ABCA13: variants seen among roughly 807,000 people sequenced by gnomAD.
ABCA13 encodes ATP binding cassette subfamily A member 13, also known as ATP-binding cassette sub-family A member 13.
Under a neutral mutation model 478.7 loss-of-function variants are expected in ABCA13, and 476 were observed. That is an observed-to-expected ratio of 0.99 (90% CI 0.92 to 1.07). The LOEUF (loss-of-function observed/expected upper bound fraction) is 1.07. ABCA13 is among the 50% of genes least tolerant of loss of function. The pLI is 0.00. For missense variants in ABCA13, 6,060 were observed against 5,910.6 expected (o/e 1.03, Z -0.83); for synonymous variants, 2,252 against 2,158.9 (o/e 1.04, Z -1.20).
intron 57 of ABCA13, among the ~76,000 whole-genome samples, chr7:48,591,668 T>G (rs1789760727): frequency 6.6e-6 from 1 of 152,000 alleles, no homozygotes; most frequent in Non-Finnish European, 1.5e-5. Context: ...TAGTTTTCAG[T>G]ATACAGATCT....
rs77431788 is a variant in ABCA13, at chr7:48,199,255, T to C, written c.287+895T>C. Among the ~76,000 whole-genome samples, 1,086 of 152,346 alleles carry C rather than the reference T, an allele frequency of 7.1e-3. 5 individuals carry two copies. The highest frequency in any genetic ancestry group is 0.027 in the Middle Eastern group (8 of 294). Reference sequence around the variant, plus strand: ...ACAATATTTATAAATGGTGTTGTTTTAGTTCATTTGGGCTGCTATAATGAA... The same window carrying C: ...ACAATATTTATAAATGGTGTTGTTTCAGTTCATTTGGGCTGCTATAATGAA... On this transcript the variant is annotated intron_variant, in intron 3 of 61. Coordinates refer to ENST00000435803, the MANE Select transcript of ABCA13 (RefSeq NM_152701.5).
chr7:48,208,628 C>T (rs1785231500), intron 3 of ABCA13, among the ~76,000 whole-genome samples: 1 of 151,894 alleles, frequency 6.6e-6, no homozygotes, highest in Admixed American at 6.6e-5. Context: ...AGTGTATATA[C>T]ATGCTATTGA....
intron 55 of ABCA13, among the ~76,000 whole-genome samples, chr7:48,539,007 G>A (rs7807529): frequency 0.14 from 21,247 of 152,118 alleles, 1,876 homozygotes; most frequent in African/African-American, 0.23. Flanking sequence ...ATTGCAGCTG[G>A]ATTCAGAGGT....
chr7:48,260,922 G>A (rs910028798), intron 15 of ABCA13, among the ~76,000 whole-genome samples: 2 of 151,788 alleles, frequency 1.3e-5, no homozygotes, highest in Non-Finnish European at 3.0e-5. Context: ...TTTTAGAGAA[G>A]CATATCTTCC....
chr7:48,600,556 T>C (rs898893270), intron 58 of ABCA13, among the ~76,000 whole-genome samples: 1 of 152,170 alleles, frequency 6.6e-6, no homozygotes, highest in Non-Finnish European at 1.5e-5. Flanking sequence ...ATTTAATGTT[T>C]TATCTATTTT....
intron 24 of ABCA13, 99 bp downstream of exon 24, chr7:48,310,240 C>G: frequency 1.0e-5 from 13 of 1,305,844 alleles, no homozygotes; most frequent in Non-Finnish European, 1.1e-5. Flanking sequence ...AGTGGGAGAT[C>G]AGCACCTGGC....
intron 58 of ABCA13, among the ~76,000 whole-genome samples, chr7:48,605,743 A>G (rs1177060123): frequency 6.6e-6 from 1 of 152,040 alleles, no homozygotes; most frequent in Non-Finnish European, 1.5e-5. Context: ...TATTTCCTGT[A>G]TTGGAATGTT....
intron 3 of ABCA13, among the ~76,000 whole-genome samples, chr7:48,203,237 C>CT (rs1799096125): frequency 1.0e-5 from 1 of 97,072 alleles, no homozygotes; most frequent in Non-Finnish European, 2.5e-5. Context: ...CCCACGCGCA[C>CT]CGGAACTCCA....
intron 20 of ABCA13, among the ~76,000 whole-genome samples, chr7:48,291,904 C>T (rs1418885819): frequency 6.6e-6 from 1 of 152,146 alleles, no homozygotes; most frequent in Admixed American, 6.5e-5. Context: ...GCTCCCGGCA[C>T]TTTCCCTGGG....
chr7:48,630,825 T>TC (rs1794104636), intron 59 of ABCA13, among the ~76,000 whole-genome samples: 1 of 151,336 alleles, frequency 6.6e-6, no homozygotes, highest in Non-Finnish European at 1.5e-5. Context: ...CTGTTTTTTT[T>TC]TTTTCTTTTT....
chr7:48,476,939 T>G (rs1191680897), intron 45 of ABCA13, among the ~76,000 whole-genome samples: 1 of 152,184 alleles, frequency 6.6e-6, no homozygotes, highest in Non-Finnish European at 1.5e-5. Flanking sequence ...AGGGAAAGGA[T>G]AAAACATTTT....
chr7:48,298,501 T>G lies in ABCA13; in HGVS notation c.9321+14T>G. 2 of 1,606,780 alleles carry G rather than the reference T, an allele frequency of 1.2e-6. No homozygotes were observed. Among genetic ancestry groups the G allele is most frequent in the South Asian group, 1.1e-5 (1 of 88,966 alleles). On this transcript the variant is annotated intron_variant, in intron 23 of 61. Transcript: ENST00000435803. ...TCCCACTCCAAGGTGTGGTGCTGTT[T>G]CTTGTCTGTCTGTTTTGCTCATGGA...
chr7:48,570,198 T>C (rs1787475860), intron 55 of ABCA13, among the ~76,000 whole-genome samples: 1 of 152,098 alleles, frequency 6.6e-6, no homozygotes, highest in African/African-American at 2.4e-5. Context: ...TCTATTGTTA[T>C]AAGATGTTTT....
At chr7:48,516,451 A>T (rs529254725) in intron 51 of ABCA13, among the ~76,000 whole-genome samples, 57 of 152,246 alleles carry the variant, frequency 3.7e-4, no homozygotes, top group African/African-American at 1.2e-3. Flanking sequence ...TTGTTTTACT[A>T]GATGGCCCCA....
chr7:48,310,200 A>G, intron 24 of ABCA13, 59 bp downstream of exon 24: 1 of 1,538,698 alleles, frequency 6.5e-7, no homozygotes, highest in East Asian at 2.3e-5. Flanking sequence ...TGGTGGCTGC[A>G]GATAAGTACA....
chr7:48,284,830 G>A (rs1459624014), intron 19 of ABCA13, among the ~76,000 whole-genome samples: 1 of 152,212 alleles, frequency 6.6e-6, no homozygotes, highest in Non-Finnish European at 1.5e-5. Flanking sequence ...TAGGAGGGCA[G>A]TGACAGATCC....
At chr7:48,224,523 A>G (rs541360308) in intron 5 of ABCA13, among the ~76,000 whole-genome samples, 2 of 152,208 alleles carry the variant, frequency 1.3e-5, no homozygotes, top group Non-Finnish European at 1.5e-5. Context: ...TGCAACATGG[A>G]TGTTGCAGTG....
intron 50 of ABCA13, among the ~76,000 whole-genome samples, chr7:48,508,950 A>G (rs989775645): frequency 6.6e-6 from 1 of 152,212 alleles, no homozygotes; most frequent in Non-Finnish European, 1.5e-5. Flanking sequence ...AGTACAATTT[A>G]TCGGGGTCAC....
chr7:48,389,200 T>C lies in ABCA13; in HGVS notation c.11634T>C (p.Gly3878=). Residue 3878 remains glycine (G), a synonymous_variant, in exon 37 of 62, where the codon GGT becomes GGC. Coordinates refer to ENST00000435803, the MANE Select transcript of ABCA13 (RefSeq NM_152701.5). The part of the protein sequence containing the change: ...DQITALLGTN[G]AGKTTIISML... The stretch of plus-strand genomic sequence containing the variant: ...TCACCGCCCTGCTGGGGACAAACGG[T>C]GCCGGGAAAACCACTATCATGTGGG... 1 of 1,613,528 alleles carries C rather than the reference T, an allele frequency of 6.2e-7. No homozygotes were observed. The highest frequency in any genetic ancestry group is 8.5e-7 in the Non-Finnish European group (1 of 1,179,660).
Sources: allele counts gnomAD v4.1 joint callset (sites outside exome capture counted in the v4.1 genomes callset), GRCh38; gene constraint gnomAD v4.1.1; transcripts MANE v1.5; gene names NCBI Gene and HGNC (gene_info 2026-07-23, HGNC 2026-07-21).